Variants in CFAP299 observed in about 807,000 individuals in gnomAD.
The protein encoded by CFAP299 is cilia- and flagella-associated protein 299.
A neutral mutation model predicts 27.0 loss-of-function variants in CFAP299; 21 were observed. The observed-to-expected ratio is 0.78, with a 90% CI of 0.55 to 1.12. CFAP299 has a LOEUF of 1.12. CFAP299 is among the 50% of genes most tolerant of loss of function. The probability of loss-of-function intolerance (pLI) is 0.00; values close to 1 mark genes in which losing one functional copy is unlikely to be tolerated. For synonymous variants in CFAP299, 104 were observed against 98.1 expected (o/e 1.06, Z -0.36); for missense variants, 310 against 276.6 (o/e 1.12, Z -0.86).
At chr4:80,924,554 A>C (rs919784337) in intron 4 of CFAP299, among the ~76,000 whole-genome samples, 4 of 148,470 alleles carry the variant, frequency 2.7e-5, no homozygotes, top group Non-Finnish European at 6.0e-5. Flanking sequence ...ATATATATAT[A>C]TATATATATC....
chr4:80,931,206 C>T (rs375017277), intron 4 of CFAP299, among the ~76,000 whole-genome samples: 4 of 151,952 alleles, frequency 2.6e-5, no homozygotes, highest in South Asian at 2.1e-4. Context: ...CATGGCTTCA[C>T]GGGCACTTTG....
chr4:80,411,292 A>T lies in CFAP299; in HGVS notation c.242+48408A>T, dbSNP rs535340128. Among the ~76,000 whole-genome samples the T allele has an allele frequency of 5.3e-5, 8 of 152,302 alleles. No homozygotes were observed. In the South Asian group the frequency reaches 1.2e-3, roughly 24 times the overall value. ...GAAATTTGAAGAAACAGCAATCCATATGTATAAACTGGCACTTAATTCATT... is the reference window on the plus strand; with the variant it reads ...GAAATTTGAAGAAACAGCAATCCATTTGTATAAACTGGCACTTAATTCATT... On this transcript the variant is annotated intron_variant, in intron 2 of 5. Coordinates refer to ENST00000358105, the MANE Select transcript of CFAP299 (RefSeq NM_152770.3).
At chr4:80,327,036 C>T in the CFAP299 span, among the ~76,000 whole-genome samples, 1 of 152,042 alleles carries the variant, frequency 6.6e-6, no homozygotes, top group South Asian at 2.1e-4. Flanking sequence ...ACTAGGCAGA[C>T]GTTATCTTTA....
chr4:80,365,782 T>G (rs568492178), intron 2 of CFAP299, among the ~76,000 whole-genome samples: 1 of 152,362 alleles, frequency 6.6e-6, no homozygotes, highest in East Asian at 1.9e-4. Flanking sequence ...ATGAGTGATA[T>G]AAGCTATTTC....
chr4:80,664,157 G>T (rs1038517973), intron 3 of CFAP299, among the ~76,000 whole-genome samples: 1 of 152,022 alleles, frequency 6.6e-6, no homozygotes, highest in African/African-American at 2.4e-5. Flanking sequence ...CACCAGCAGG[G>T]CCCTGGGTTT....
intron 3 of CFAP299, among the ~76,000 whole-genome samples, chr4:80,598,544 C>T (rs1737171388): frequency 6.6e-6 from 1 of 152,130 alleles, no homozygotes; most frequent in South Asian, 2.1e-4. Context: ...ATGGTGTTTT[C>T]ATGTTATTCA....
At chr4:80,726,915 T>G (rs1723196481) in intron 3 of CFAP299, among the ~76,000 whole-genome samples, 1 of 152,160 alleles carries the variant, frequency 6.6e-6, no homozygotes, top group Admixed American at 6.5e-5. Flanking sequence ...CTAGGAATAC[T>G]TTCCATGATT....
chr4:80,375,849 A>G (rs1228866092), intron 2 of CFAP299, among the ~76,000 whole-genome samples: 3 of 152,324 alleles, frequency 2.0e-5, no homozygotes, highest in South Asian at 2.1e-4. Context: ...CATGAGCTCA[A>G]TTGCTGAGGC....
intron 2 of CFAP299, among the ~76,000 whole-genome samples, chr4:80,517,406 C>T (rs879624067): frequency 2.6e-5 from 4 of 152,128 alleles, no homozygotes; most frequent in Non-Finnish European, 5.9e-5. Context: ...GAGAAATTAC[C>T]CTTACCTGGG....
chr4:80,432,688 A>G (rs1727881817), intron 2 of CFAP299, among the ~76,000 whole-genome samples: 1 of 151,206 alleles, frequency 6.6e-6, no homozygotes, highest in African/African-American at 2.4e-5. Context: ...GCCCACCACC[A>G]CGCCTGGCTA....
At chr4:80,513,047 A>G (rs1732396622) in intron 2 of CFAP299, among the ~76,000 whole-genome samples, 1 of 152,192 alleles carries the variant, frequency 6.6e-6, no homozygotes, top group African/African-American at 2.4e-5. Flanking sequence ...TAAAAGAAAA[A>G]TTTATGGAAG....
intron 3 of CFAP299, among the ~76,000 whole-genome samples, chr4:80,609,250 C>T (rs915070353): frequency 8.5e-5 from 13 of 152,134 alleles, no homozygotes; most frequent in South Asian, 2.1e-4. Flanking sequence ...TGTGTAATTA[C>T]ACTAGCAAAA....
intron 2 of CFAP299, among the ~76,000 whole-genome samples, chr4:80,538,831 T>A (rs1483843876): frequency 6.6e-6 from 1 of 152,210 alleles, no homozygotes; most frequent in Non-Finnish European, 1.5e-5. Flanking sequence ...CGTAAAGTGA[T>A]GCAAGACTGT....
rs1739967397 is a variant in CFAP299 at position 80,645,601 on chromosome 4, C to T, written c.333+62418C>T. Among the ~76,000 whole-genome samples, 5 of 152,236 alleles carry T rather than the reference C, an allele frequency of 3.3e-5. No homozygotes were observed. The South Asian group carries it at 1.0e-3, about 32-fold the overall frequency. On this transcript the variant is annotated intron_variant, in intron 3 of 5. Coordinates refer to ENST00000358105, the MANE Select transcript of CFAP299 (RefSeq NM_152770.3). ...AGGACAGTGACTAGCACGTTCAGTG[C>T]TCAAGAAAAGTTAGCTGTATTTAGA...
chr4:80,497,163 G>T (rs1731492314), intron 2 of CFAP299, among the ~76,000 whole-genome samples: 1 of 152,088 alleles, frequency 6.6e-6, no homozygotes, highest in Non-Finnish European at 1.5e-5. Context: ...CTAACTACTG[G>T]GGTGGCAGAG....
chr4:80,943,126 T>A (rs1737282361), intron 4 of CFAP299, among the ~76,000 whole-genome samples: 1 of 152,214 alleles, frequency 6.6e-6, no homozygotes, highest in Non-Finnish European at 1.5e-5. Context: ...ACATAGTCAT[T>A]CCTGTTTTCT....
intron 4 of CFAP299, among the ~76,000 whole-genome samples, chr4:80,943,884 T>C (rs1283104110): frequency 6.6e-6 from 1 of 151,876 alleles, no homozygotes; most frequent in African/African-American, 2.4e-5. Flanking sequence ...CTGGCCAACA[T>C]GGTGAAACCC....
intron 3 of CFAP299, among the ~76,000 whole-genome samples, chr4:80,742,880 A>G (rs1050827717): frequency 6.6e-6 from 1 of 152,202 alleles, no homozygotes; most frequent in African/African-American, 2.4e-5. Context: ...ACACAAATTT[A>G]TCTCAGAAGT....
chr4:80,542,295 G>A (rs1734033914), intron 2 of CFAP299, among the ~76,000 whole-genome samples: 1 of 152,076 alleles, frequency 6.6e-6, no homozygotes. Flanking sequence ...GCCTATCATG[G>A]GACATCACCT....
Sources: allele counts gnomAD v4.1 joint callset (sites outside exome capture counted in the v4.1 genomes callset), GRCh38; gene constraint gnomAD v4.1.1; transcripts MANE v1.5; gene names NCBI Gene and HGNC (gene_info 2026-07-23, HGNC 2026-07-21).